Variants in SPATA16 observed in about 807,000 individuals in gnomAD.
SPATA16 encodes the protein spermatogenesis associated 16.
SPATA16 carries 36 observed loss-of-function variants against 63.3 expected under a neutral mutation model. The observed-to-expected ratio is 0.57, with a 90% CI of 0.44 to 0.75. The LOEUF is 0.75. SPATA16 is among the 30% of genes least tolerant of loss of function. The pLI, the probability that SPATA16 is intolerant of heterozygous loss-of-function variation, is 0.00. For missense variants in SPATA16, 646 were observed against 679.3 expected, an observed-to-expected ratio of 0.95 and a Z score of 0.54; for synonymous variants, 203 against 216.7, an observed-to-expected ratio of 0.94 and a Z score of 0.56.
chr3:172,980,241 A>C (rs1431113225), intron 4 of SPATA16, among the ~76,000 whole-genome samples: 3 of 152,246 alleles, frequency 2.0e-5, no homozygotes, highest in African/African-American at 7.2e-5. Context: ...CAACCCATTG[A>C]GCATCCATAA....
intron 6 of SPATA16, 67 bp from the exon 7 acceptor site, chr3:172,925,559 C>G (rs1560068637): frequency 1.2e-5 from 19 of 1,601,316 alleles, no homozygotes; most frequent in Non-Finnish European, 1.6e-5. Flanking sequence ...GGTTTTCCCC[C>G]CCAGATTTCA....
chr3:172,925,025 ATAG>A (rs1732695696), intron 7 of SPATA16, among the ~76,000 whole-genome samples: 1 of 152,226 alleles, frequency 6.6e-6, no homozygotes, highest in Non-Finnish European at 1.5e-5. Flanking sequence ...TTGATTTCAT[ATAG>A]TAGTTTTATT....
In SPATA16 at chr3:172,932,777, A is replaced by G. The variant is rs567817647; in HGVS notation, c.1082-7285T>C. 3.9e-4 allele frequency among the ~76,000 whole-genome samples: 60 copies of G among 152,274 alleles called. 1 individual carries two copies. In the South Asian group the frequency reaches 0.012, roughly 31 times the overall value. On this transcript the variant is annotated intron_variant, in intron 6 of 10. Transcript: ENST00000351008. ...AGAAAGTCATATGTATACTATATAG[A>G]TAATAAATTGTACAATAAATTATAT...
chr3:172,952,048 A>G (rs1733446193), intron 6 of SPATA16, among the ~76,000 whole-genome samples: 1 of 152,178 alleles, frequency 6.6e-6, no homozygotes, highest in Non-Finnish European at 1.5e-5. Flanking sequence ...TTGGAGCATC[A>G]GTGTCTCTCT....
chr3:172,950,213 C>T (rs1439919336), intron 6 of SPATA16, among the ~76,000 whole-genome samples: 1 of 152,176 alleles, frequency 6.6e-6, no homozygotes, highest in Admixed American at 6.5e-5. Flanking sequence ...GCAAACAGCG[C>T]TGTCACCTGC....
intron 4 of SPATA16, among the ~76,000 whole-genome samples, chr3:173,007,491 A>G (rs1356740934): frequency 6.6e-6 from 1 of 152,218 alleles, no homozygotes. Context: ...AACTGACACA[A>G]TTTAGTGGGA....
chr3:173,097,760 C>T (rs534620644), intron 2 of SPATA16, among the ~76,000 whole-genome samples: 13 of 152,190 alleles, frequency 8.5e-5, no homozygotes, highest in African/African-American at 2.6e-4. Context: ...GCTACCTCTG[C>T]CAATGAAGAA....
chr3:173,031,040 G>A (rs1242300065), intron 3 of SPATA16, among the ~76,000 whole-genome samples: 3 of 151,988 alleles, frequency 2.0e-5, no homozygotes, highest in Non-Finnish European at 4.4e-5. Context: ...AATTTATGGG[G>A]ACAGGAAGCA....
chr3:173,023,584 A>T lies in SPATA16; in HGVS notation c.759-4009T>A, dbSNP rs1735385965. ...TTTTTATTGGTATTAAACTAAAGAC[A>T]TTAGATTAAAATTTAGGAAGAATAG... is the stretch of plus-strand genomic sequence containing the variant. On this transcript the variant is annotated intron_variant, in intron 3 of 10. Transcript: ENST00000351008. 2.0e-5 allele frequency among the ~76,000 whole-genome samples: 3 copies of T among 152,028 alleles called. No individual in the cohort carries two copies. The South Asian group carries it at 6.2e-4, about 32-fold the overall frequency.
In SPATA16 at chr3:172,908,853, A is replaced by AT. The variant is rs926292363; in HGVS notation, c.1587+4807dup. On this transcript the variant is annotated intron_variant, in intron 10 of 10. Transcript: ENST00000351008. The stretch of plus-strand genomic sequence containing the variant: ...TACAATTAGGTTTTTTTTTTTAATT[A>AT]TTTTTTTTTCTGCACACGCAAATTA... Among the ~76,000 whole-genome samples the AT allele has an allele frequency of 2.0e-4, 30 of 150,518 alleles. No individual in the cohort carries two copies. In the East Asian group the frequency reaches 3.7e-3, roughly 19 times the overall value.
rs185608545 is a variant in SPATA16 at position 172,899,868 on chromosome 3, T to C, written c.1588-10176A>G. ...ATTTTAAATTTGAAGTATAGAATCA[T>C]TGCTTTGTCTCTTCACCCTCTCCCA... On this transcript the variant is annotated intron_variant, in intron 10 of 10. Transcript: ENST00000351008. 1.1e-3 allele frequency among the ~76,000 whole-genome samples: 165 copies of C among 152,296 alleles called. 2 individuals are homozygous for C. The highest frequency in any genetic ancestry group is 3.8e-3 in the African/African-American group (156 of 41,594).
At chr3:173,010,248 C>CT (rs1339195305) in intron 4 of SPATA16, among the ~76,000 whole-genome samples, 2 of 152,170 alleles carry the variant, frequency 1.3e-5, no homozygotes, top group Non-Finnish European at 2.9e-5. Context: ...GCCATTGTGC[C>CT]CCCCTCTGTT....
At chr3:172,953,349 C>A (rs1319671575) in intron 6 of SPATA16, among the ~76,000 whole-genome samples, 1 of 152,090 alleles carries the variant, frequency 6.6e-6, no homozygotes, top group African/African-American at 2.4e-5. Context: ...GGAAAAATGG[C>A]AGAGTAACAT....
chr3:173,134,366 G>A (rs1283014735), intron 1 of SPATA16, among the ~76,000 whole-genome samples: 5 of 152,004 alleles, frequency 3.3e-5, no homozygotes, highest in African/African-American at 1.2e-4. Context: ...GTAAATTCTT[G>A]TAATCCCAGC....
intron 2 of SPATA16, among the ~76,000 whole-genome samples, chr3:173,110,318 T>C (rs1478994593): frequency 6.6e-6 from 1 of 152,222 alleles, no homozygotes; most frequent in African/African-American, 2.4e-5. Context: ...TAGTTCAAAA[T>C]AGTGTTTGGT....
chr3:173,112,482 C>T (rs1430381592), intron 2 of SPATA16, among the ~76,000 whole-genome samples: 1 of 152,156 alleles, frequency 6.6e-6, no homozygotes, highest in Non-Finnish European at 1.5e-5. Flanking sequence ...AAGCGGATCC[C>T]GACTCCACCA....
intron 3 of SPATA16, among the ~76,000 whole-genome samples, chr3:173,046,454 C>T (rs1468030513): frequency 6.6e-6 from 1 of 151,918 alleles, no homozygotes; most frequent in Non-Finnish European, 1.5e-5. Context: ...GTAGTCTTCT[C>T]TATGACAAAA....
intron 5 of SPATA16, among the ~76,000 whole-genome samples, chr3:172,957,239 T>C (rs1733619684): frequency 6.6e-6 from 1 of 152,198 alleles, no homozygotes; most frequent in Non-Finnish European, 1.5e-5. Flanking sequence ...AAGTATATTC[T>C]GTAAATAACA....
chr3:172,899,795 T>G (rs929704132), intron 10 of SPATA16, among the ~76,000 whole-genome samples: 2 of 152,110 alleles, frequency 1.3e-5, no homozygotes, highest in Admixed American at 1.3e-4. Context: ...TTTGAGTATT[T>G]GCTCTAGATA....
Sources: allele counts gnomAD v4.1 joint callset (sites outside exome capture counted in the v4.1 genomes callset), GRCh38; gene constraint gnomAD v4.1.1; transcripts MANE v1.5; gene names NCBI Gene and HGNC (gene_info 2026-07-23, HGNC 2026-07-21).